The following SCFD2 variants were observed in gnomAD, a reference collection of about 807,000 sequenced individuals.
SCFD2 encodes sec1 family domain-containing protein 2.
In SCFD2, 54 loss-of-function variants were observed where a neutral mutation model predicts 58.9. The observed-to-expected ratio is 0.92, with a 90% CI of 0.74 to 1.15. The LOEUF (loss-of-function observed/expected upper bound fraction) is 1.15. Among genes scored for constraint, SCFD2 ranks in the 50% most tolerant of loss-of-function variants. The pLI is 0.00. For synonymous variants in SCFD2, 321 were observed against 335.9 expected, an observed-to-expected ratio of 0.96 and a Z score of 0.49; for missense variants, 805 against 836.6, an observed-to-expected ratio of 0.96 and a Z score of 0.47.
chr4:53,036,884 A>G (rs1031565414), intron 5 of SCFD2, among the ~76,000 whole-genome samples: 3 of 152,170 alleles, frequency 2.0e-5, no homozygotes, highest in Non-Finnish European at 4.4e-5. Flanking sequence ...CATTTTTGTG[A>G]TATTCTGGAA....
intron 5 of SCFD2, among the ~76,000 whole-genome samples, chr4:53,025,584 T>C (rs1320877403): frequency 1.3e-5 from 2 of 152,200 alleles, no homozygotes; most frequent in East Asian, 1.9e-4. Context: ...TTCACTCTTA[T>C]GCCATCTCAG....
At chr4:53,061,994 T>C (rs1341460347) in intron 5 of SCFD2, among the ~76,000 whole-genome samples, 2 of 152,058 alleles carry the variant, frequency 1.3e-5, no homozygotes, top group African/African-American at 4.8e-5. Context: ...GCCTTTAGTC[T>C]AGGGAGGTAA....
chr4:52,911,067 T>G (rs1178907336), intron 6 of SCFD2, among the ~76,000 whole-genome samples: 2 of 151,898 alleles, frequency 1.3e-5, no homozygotes, highest in South Asian at 2.1e-4. Context: ...AAAAAATAGA[T>G]TGTCATTCTC....
At chr4:52,991,910 A>T (rs2148794963) in intron 5 of SCFD2, among the ~76,000 whole-genome samples, 1 of 152,268 alleles carries the variant, frequency 6.6e-6, no homozygotes, top group East Asian at 1.9e-4. Flanking sequence ...AAAAATGTAC[A>T]TGTCTTTATA....
chr4:53,246,120 TA>T (rs1730062323), intron 4 of SCFD2, among the ~76,000 whole-genome samples: 1 of 151,870 alleles, frequency 6.6e-6, no homozygotes, highest in Non-Finnish European at 1.5e-5. Context: ...ATAAAACACC[TA>T]GGAATATAGC....
At chr4:52,981,601 C>T (rs188780487) in intron 5 of SCFD2, among the ~76,000 whole-genome samples, 726 of 151,986 alleles carry the variant, frequency 4.8e-3, no homozygotes, top group Non-Finnish European at 7.7e-3. Flanking sequence ...GGATCAAGGT[C>T]CTTATTTTAG....
chr4:53,241,266 C>T (rs796735356), intron 4 of SCFD2, among the ~76,000 whole-genome samples: 10 of 152,298 alleles, frequency 6.6e-5, no homozygotes, highest in African/African-American at 1.9e-4. Context: ...GGATTTGGTG[C>T]GGTGGCAACT....
At chr4:52,950,910 C>T (rs1720576381) in intron 5 of SCFD2, 1 of 152,146 alleles carries the variant, frequency 6.6e-6, no homozygotes, top group African/African-American at 2.4e-5. Context: ...CCAGATTAGA[C>T]ATGGCCCTGG....
chr4:53,107,831 A>G (rs1348952374), intron 5 of SCFD2, among the ~76,000 whole-genome samples: 5 of 152,238 alleles, frequency 3.3e-5, no homozygotes, highest in Non-Finnish European at 2.9e-5. Context: ...ACAGAAAATT[A>G]ACAAGAATAT....
intron 5 of SCFD2, among the ~76,000 whole-genome samples, chr4:53,128,985 G>C (rs1205898307): frequency 6.6e-6 from 1 of 152,158 alleles, no homozygotes; most frequent in Non-Finnish European, 1.5e-5. Context: ...GTACAGATTT[G>C]TTTTTCTTAA....
chr4:53,252,815 G>C (rs1272434763), intron 4 of SCFD2, among the ~76,000 whole-genome samples: 2 of 152,056 alleles, frequency 1.3e-5, no homozygotes, highest in Non-Finnish European at 2.9e-5. Context: ...TACCATTCAG[G>C]ACATAGGCAT....
At chr4:53,024,644 TG>T (rs1201514194) in intron 5 of SCFD2, among the ~76,000 whole-genome samples, 5 of 152,052 alleles carry the variant, frequency 3.3e-5, no homozygotes, top group Non-Finnish European at 7.4e-5. Context: ...AATATTCCCA[TG>T]TTTTTTTCAG....
Position 53,320,354 on chromosome 4 carries a change from C to T in SCFD2, c.1008-6591G>A, listed in dbSNP as rs746373320. ...TTTCCAGGCAGGGTGTGGTGGCTCACGCCTGTAATCCCAGCACTTTGGGAG... is the reference window on the plus strand; with the variant it reads ...TTTCCAGGCAGGGTGTGGTGGCTCATGCCTGTAATCCCAGCACTTTGGGAG... On this transcript the variant is annotated intron_variant, in intron 2 of 8. Coordinates refer to ENST00000401642, the MANE Select transcript of SCFD2 (RefSeq NM_152540.4). Among the ~76,000 whole-genome samples, 11 of 152,276 alleles carry T rather than the reference C, an allele frequency of 7.2e-5. No homozygotes were observed. The South Asian group carries it at 8.3e-4, about 11-fold the overall frequency.
At chr4:53,248,878 A>C (rs901837735) in intron 4 of SCFD2, among the ~76,000 whole-genome samples, 1 of 152,216 alleles carries the variant, frequency 6.6e-6, no homozygotes, top group Non-Finnish European at 1.5e-5. Context: ...AAAAACTCGA[A>C]ATTCTAAAAA....
chr4:53,320,835 T>C (rs1262715683), intron 2 of SCFD2, among the ~76,000 whole-genome samples: 1 of 152,222 alleles, frequency 6.6e-6, no homozygotes, highest in Non-Finnish European at 1.5e-5. Flanking sequence ...GCTTGTGGAA[T>C]ATAAATTAAA....
intron 4 of SCFD2, among the ~76,000 whole-genome samples, chr4:53,217,442 T>A (rs1728885906): frequency 2.0e-5 from 3 of 152,234 alleles, no homozygotes; most frequent in Admixed American, 6.5e-5. Flanking sequence ...AAAGTCTGTT[T>A]TATCAGAGAT....
intron 5 of SCFD2, among the ~76,000 whole-genome samples, chr4:53,009,863 G>A (rs1722057891): frequency 6.6e-6 from 1 of 152,154 alleles, no homozygotes; most frequent in African/African-American, 2.4e-5. Context: ...TTCCAGGTGG[G>A]AACATGGATG....
intron 4 of SCFD2, among the ~76,000 whole-genome samples, chr4:53,156,942 CA>C (rs1458167300): frequency 6.6e-6 from 1 of 152,210 alleles, no homozygotes; most frequent in Non-Finnish European, 1.5e-5. Context: ...ATAGAAGTTA[CA>C]ATTTTTAAAA....
intron 4 of SCFD2, among the ~76,000 whole-genome samples, chr4:53,201,759 AT>A (rs1404662735): frequency 8.5e-5 from 13 of 152,078 alleles, no homozygotes; most frequent in African/African-American, 2.9e-4. Context: ...TTTGATTTGC[AT>A]TTCTCTGATG....
Sources: allele counts gnomAD v4.1 joint callset (sites outside exome capture counted in the v4.1 genomes callset), GRCh38; gene constraint gnomAD v4.1.1; transcripts MANE v1.5; gene names NCBI Gene and HGNC (gene_info 2026-07-23, HGNC 2026-07-21).